C11orf91: variants seen among roughly 807,000 people sequenced by gnomAD.
C11orf91 encodes the protein uncharacterized protein C11orf91.
C11orf91 carries 10 observed loss-of-function variants against 14.3 expected under a neutral mutation model. That is an observed-to-expected ratio of 0.70 (90% CI 0.43 to 1.18). The LOEUF is 1.18. C11orf91 is among the 50% of genes most tolerant of loss of function. C11orf91 has a pLI of 0.00. For synonymous variants in C11orf91, 141 were observed against 130.6 expected, an observed-to-expected ratio of 1.08 and a Z score of -0.54; for missense variants, 236 against 269.0, an observed-to-expected ratio of 0.88 and a Z score of 0.86.
In C11orf91 at chr11:33,700,417, G is replaced by C; in HGVS notation, c.324C>G (p.Phe108Leu). Residue 108 changes from phenylalanine to leucine, a missense_variant, in exon 1 of 2, where the codon TTC becomes TTG. Coordinates refer to ENST00000379011, the MANE Select transcript of C11orf91 (RefSeq NM_001166692.2). ...CAGGCCCCGGCGGCGGTGAGTAGAA[G>C]AAGCGCAGAGGCTCGTAGGGGATGG... ...LASIPYEPLR[F>L]FYSPPPGPEV... 1 of 1,518,750 alleles carries C rather than the reference G, an allele frequency of 6.6e-7. No homozygotes were observed. The allele number at this position is 1,518,750 out of a possible 1,614,324, so 94.1% of individuals were successfully genotyped here.
At chr11:33,700,107 GC>G in intron 1 of C11orf91, 137 bp downstream of exon 1, 1 of 884,606 alleles carries the variant, frequency 1.1e-6, no homozygotes, top group East Asian at 2.8e-5. Flanking sequence ...GAGTCTGGGT[GC>G]TAGGGGATAG....
intron 1 of C11orf91, among the ~76,000 whole-genome samples, 197 bp from the exon 2 acceptor site, chr11:33,698,711 C>T (rs1002696609): frequency 6.6e-6 from 1 of 151,754 alleles, no homozygotes; most frequent in East Asian, 1.9e-4. Flanking sequence ...GTACATGCAA[C>T]ACATCCAGTT....
At position 33,700,725 on chromosome 11, in the gene C11orf91, G is replaced by GCCGCC; in HGVS notation, c.11_15dup (p.Arg6GlyfsTer10). The GCCGCC allele has an allele frequency of 7.3e-7, 1 of 1,375,794 alleles. No homozygotes were observed. Among genetic ancestry groups the GCCGCC allele is most frequent in the Non-Finnish European group, 9.4e-7 (1 of 1,061,540 alleles). 85.2% of individuals were successfully genotyped at this position (1,375,794 alleles called of 1,614,324 possible). A position where few individuals can be genotyped will look rare whatever the true frequency, so the allele number is the denominator to read the frequency against. On this transcript the variant is annotated frameshift_variant, in exon 1 of 2. Transcript: ENST00000379011. LOFTEE classifies it high-confidence loss of function. ...CTCATGGTGGGGCTGTGGCTGCCGCGCCGCCCCTTTGGCATCGTTTGAATG... is the reference window on the plus strand; with the variant it reads ...CTCATGGTGGGGCTGTGGCTGCCGCGCCGCCCCGCCCCTTTGGCATCGTTTGAATG...
In C11orf91 at chr11:33,700,341, A is replaced by G. The variant is rs1251337437; in HGVS notation, c.400T>C (p.Ser134Pro). The G allele has an allele frequency of 1.9e-5, 29 of 1,535,176 alleles. No individual in the cohort carries two copies. The highest frequency in any genetic ancestry group is 2.4e-5 in the Non-Finnish European group (28 of 1,146,642). The change falls in exon 1 of 2, where the codon TCT (serine) becomes CCT (proline). Residue 134 changes from serine (S) to proline (P), a missense_variant. Ser to Pro is a moderately conservative substitution (Grantham distance 74, BLOSUM62 -1). Transcript: ENST00000379011. ...CAGAGCTCCTCCGGGTGGGAGGCAG[A>G]GGCGAGCCTGGGGGTCGAGGGGCAG... is the stretch of plus-strand genomic sequence containing the variant. ...VPCPSTPRLA[S>P]ASHPEELCEL...
At chr11:33,700,889 G>A (rs1853114404), upstream of C11orf91, 2 of 734,680 alleles carry the variant, frequency 2.7e-6, no homozygotes, top group African/African-American at 1.8e-5. Context: ...TAACAGGCGG[G>A]GTTCCAAAGC....
upstream of C11orf91, among the ~76,000 whole-genome samples, chr11:33,702,085 C>T (rs1308194710): frequency 6.6e-6 from 1 of 152,028 alleles, no homozygotes; most frequent in African/African-American, 2.4e-5. Context: ...TTGGCAGCCA[C>T]CCATCATTGT....
rs1218868134 is a variant in C11orf91, at chr11:33,700,432, G to C, written c.309C>G (p.Tyr103Ter). The change falls in exon 1 of 2, where the codon TAC becomes TAG. Residue 103 changes from tyrosine (Y) to a stop codon, truncating the protein, a stop_gained. Coordinates refer to ENST00000379011, the MANE Select transcript of C11orf91 (RefSeq NM_001166692.2). LOFTEE classifies it high-confidence loss of function. ...GTGAGTAGAAGAAGCGCAGAGGCTC[G>C]TAGGGGATGGAGGCCAGGCCGGAGG... is the stretch of plus-strand genomic sequence containing the variant. ...PWPSGLASIP[Y>*]EPLRFFYSPP... 6.7e-7 allele frequency: 1 copy of C among 1,500,052 alleles called. No individual in the cohort carries two copies. The highest frequency in any genetic ancestry group is 2.0e-5 in the Admixed American group (1 of 48,842). 92.9% of individuals were successfully genotyped at this position (1,500,052 alleles called of 1,614,324 possible).
chr11:33,698,483 CT>C lies in C11orf91; in HGVS notation c.527del (p.Lys176SerfsTer5). The C allele has an allele frequency of 6.5e-7, 1 of 1,537,598 alleles. No homozygotes were observed. Among genetic ancestry groups the C allele is most frequent in the Middle Eastern group, 1.7e-4 (1 of 5,992 alleles). ...GTTGCTTGGTCTTCAGTCCTTGTAA[CT>C]TTTCGTCTTTTAGCGCCTTCAGGAA... ...YTFLKALKDE[K>X]LQGLKTKQPG... On this transcript the variant is annotated frameshift_variant, in exon 2 of 2. Coordinates refer to ENST00000379011, the MANE Select transcript of C11orf91 (RefSeq NM_001166692.2). LOFTEE classifies it high-confidence loss of function.
chr11:33,700,107 G>T, intron 1 of C11orf91, 138 bp downstream of exon 1: 1 of 884,604 alleles, frequency 1.1e-6, no homozygotes, highest in South Asian at 1.7e-5. Flanking sequence ...GAGTCTGGGT[G>T]CTAGGGGATA....
upstream of C11orf91, chr11:33,702,618 C>G (rs546677661): frequency 3.2e-5 from 6 of 188,082 alleles, no homozygotes; most frequent in South Asian, 4.2e-4. Flanking sequence ...TATAAGCTCT[C>G]AAGCCACTTC....
At chr11:33,701,363 C>G (rs901518122), upstream of C11orf91, among the ~76,000 whole-genome samples, 3 of 152,200 alleles carry the variant, frequency 2.0e-5, no homozygotes, top group African/African-American at 7.2e-5. Context: ...GAGGAAGATT[C>G]TAGAAAAGGG....
At chr11:33,698,774 ATTTTTT>A (rs55712821) in intron 1 of C11orf91, among the ~76,000 whole-genome samples, 21 of 104,606 alleles carry the variant, frequency 2.0e-4, no homozygotes, top group African/African-American at 4.7e-4. Context: ...TCTTCTTCTA[ATTTTTT>A]TTTTTTTTTT....
intron 1 of C11orf91, among the ~76,000 whole-genome samples, 153 bp from the exon 2 acceptor site, chr11:33,698,667 C>G (rs1853065968): frequency 6.6e-6 from 1 of 152,030 alleles, no homozygotes; most frequent in Non-Finnish European, 1.5e-5. Context: ...AAACTGAAAA[C>G]TCTGACTGTA....
chr11:33,700,724 C>A lies in C11orf91; in HGVS notation c.17G>T (p.Arg6Leu). 1 of 1,375,954 alleles carries A rather than the reference C, an allele frequency of 7.3e-7. No homozygotes were observed. The highest frequency in any genetic ancestry group is 1.7e-5 in the South Asian group (1 of 59,728). The allele number at this position is 1,375,954 out of a possible 1,614,324, so 85.2% of individuals were successfully genotyped here. MPKGR[R>L]GSHSPTMSQR... is the part of the protein sequence containing the mutation. ...GCTCATGGTGGGGCTGTGGCTGCCG[C>A]GCCGCCCCTTTGGCATCGTTTGAAT... Residue 6 changes from arginine to leucine, a missense_variant, in exon 1 of 2, where the codon CGC becomes CTC. Coordinates refer to ENST00000379011, the MANE Select transcript of C11orf91 (RefSeq NM_001166692.2).
chr11:33,706,335 G>A, the C11orf91 span: 1 of 152,188 alleles, frequency 6.6e-6, no homozygotes, highest in East Asian at 1.9e-4. Context: ...TAAGTAATTT[G>A]AAAAAGAGAC....
chr11:33,706,464 T>C, the C11orf91 span: 1 of 151,600 alleles, frequency 6.6e-6, no homozygotes, highest in Non-Finnish European at 1.5e-5. Context: ...CATCTTCCTA[T>C]CTGGCAGACC....
In C11orf91 at chr11:33,700,399, C is replaced by T. The variant is rs1426591542; in HGVS notation, c.342G>A (p.Pro114=). 9 of 1,520,530 alleles carry T rather than the reference C, an allele frequency of 5.9e-6. No individual in the cohort carries two copies. The East Asian group carries it at 2.0e-4, about 34-fold the overall frequency. The allele number at this position is 1,520,530 out of a possible 1,614,324, so 94.2% of individuals were successfully genotyped here. A position where few individuals can be genotyped will look rare whatever the true frequency, so the allele number is the denominator to read the frequency against. The change falls in exon 1 of 2, where the codon CCG becomes CCA. Residue 114 remains proline (P), a synonymous_variant. Coordinates refer to ENST00000379011, the MANE Select transcript of C11orf91 (RefSeq NM_001166692.2). The part of the protein sequence containing the change: ...EPLRFFYSPP[P]GPEVVASPLV... The stretch of plus-strand genomic sequence containing the variant: ...GGGGCGAGGCAACCACCTCAGGCCC[C>T]GGCGGCGGTGAGTAGAAGAAGCGCA...
upstream of C11orf91, chr11:33,705,246 G>C (rs985046985): frequency 6.6e-6 from 1 of 152,178 alleles, no homozygotes; most frequent in Non-Finnish European, 1.5e-5. Context: ...AACACTTATA[G>C]GGTAGGTCTG....
At chr11:33,704,361 G>T (rs1264386586), upstream of C11orf91, 1 of 152,128 alleles carries the variant, frequency 6.6e-6, no homozygotes, top group East Asian at 1.9e-4. Context: ...TCATTGGAGT[G>T]TGGCTACAGT....
Sources: allele counts gnomAD v4.1 joint callset (sites outside exome capture counted in the v4.1 genomes callset), GRCh38; gene constraint gnomAD v4.1.1; transcripts MANE v1.5; gene names NCBI Gene and HGNC (gene_info 2026-07-23, HGNC 2026-07-21).